PRKD1: variants seen among roughly 807,000 people sequenced by gnomAD.
PRKD1 encodes protein kinase D1.
Under a neutral mutation model 95.9 loss-of-function variants are expected in PRKD1, and 63 were observed. That is an observed-to-expected ratio of 0.66 (90% CI 0.54 to 0.81). PRKD1 has a LOEUF of 0.81. PRKD1 is among the 30% of genes least tolerant of loss of function. PRKD1 has a pLI of 0.00. For missense variants in PRKD1, 1,048 were observed against 1,165.3 expected (o/e 0.90, Z 1.47); for synonymous variants, 425 against 423.1 (o/e 1.00, Z -0.05).
intron 1 of PRKD1, among the ~76,000 whole-genome samples, chr14:29,893,692 G>A (rs560231158): frequency 5.3e-5 from 8 of 152,136 alleles, no homozygotes; most frequent in African/African-American, 1.4e-4. Flanking sequence ...CCATAATATC[G>A]CTAGCCTTAT....
At chr14:29,850,929 C>A (rs1384914685) in intron 1 of PRKD1, among the ~76,000 whole-genome samples, 2 of 151,038 alleles carry the variant, frequency 1.3e-5, no homozygotes, top group African/African-American at 4.9e-5. Flanking sequence ...GAATAGAGGA[C>A]CCAGAAATAA....
At chr14:29,777,910 C>T in intron 1 of PRKD1, among the ~76,000 whole-genome samples, 2 of 152,154 alleles carry the variant, frequency 1.3e-5, no homozygotes, top group East Asian at 1.9e-4. Context: ...CACTCCTCAG[C>T]AAATGTAAAA....
chr14:29,767,072 T>C (rs1370323583), intron 1 of PRKD1, among the ~76,000 whole-genome samples: 2 of 152,158 alleles, frequency 1.3e-5, no homozygotes, highest in East Asian at 3.9e-4. Flanking sequence ...ATCTTACTAC[T>C]TCTAATTGCA....
At chr14:29,600,959 A>AAC (rs1185785089) in intron 13 of PRKD1, among the ~76,000 whole-genome samples, 4 of 152,174 alleles carry the variant, frequency 2.6e-5, no homozygotes, top group African/African-American at 9.7e-5. Context: ...CCCAATGAGC[A>AAC]AGAGAAGAAA....
rs373983395 is a variant in PRKD1, at chr14:29,653,204, C to T, written c.696+10495G>A. 1.1e-4 allele frequency among the ~76,000 whole-genome samples: 17 copies of T among 152,060 alleles called. No individual in the cohort carries two copies. In the East Asian group the frequency reaches 1.2e-3, roughly 10 times the overall value. On this transcript the variant is annotated intron_variant, in intron 4 of 17. Transcript: ENST00000331968. The stretch of plus-strand genomic sequence containing the variant: ...ATAAAAAGTTAAACTGAATATTGTC[C>T]GGATTGCATAAAATTAAAGGATATA...
chr14:29,852,864 G>A (rs544651903), intron 1 of PRKD1, among the ~76,000 whole-genome samples: 1 of 152,166 alleles, frequency 6.6e-6, no homozygotes, highest in South Asian at 2.1e-4. Flanking sequence ...ACAGCAAAAT[G>A]ACAAAGTAAA....
chr14:29,626,522 T>G lies in PRKD1; in HGVS notation c.1760A>C (p.Glu587Ala). ...TCCAAACTGTCCAGAACCCAGTACT[T>G]CATCAGGAAAAATCTGATATACTGT... is the stretch of plus-strand genomic sequence containing the variant. ...ISTVYQIFPD[E>A]VLGSGQFGIV... The change falls in exon 12 of 18, where the codon GAA becomes GCA. Residue 587 changes from glutamate (E) to alanine (A), a missense_variant. Glu to Ala is a moderately radical substitution (Grantham distance 107). Transcript: ENST00000331968. 1 of 1,612,506 alleles carries G rather than the reference T, an allele frequency of 6.2e-7. No homozygotes were observed. The highest frequency in any genetic ancestry group is 2.2e-5 in the East Asian group (1 of 44,676).
intron 2 of PRKD1, among the ~76,000 whole-genome samples, chr14:29,696,804 CT>C (rs1190491355): frequency 1.3e-5 from 2 of 151,846 alleles, no homozygotes; most frequent in East Asian, 3.9e-4. Flanking sequence ...CTAAATATGT[CT>C]AGATAGTGAG....
chr14:29,815,792 T>C (rs569368615), intron 1 of PRKD1, among the ~76,000 whole-genome samples: 2 of 152,336 alleles, frequency 1.3e-5, no homozygotes, highest in South Asian at 4.1e-4. Context: ...GAAATTATAA[T>C]GGCATTTATG....
intron 8 of PRKD1, among the ~76,000 whole-genome samples, chr14:29,633,852 A>C (rs1441757178): frequency 2.0e-5 from 3 of 152,212 alleles, no homozygotes; most frequent in Non-Finnish European, 4.4e-5. Flanking sequence ...GTAAGAGATG[A>C]GAAAAGCAAT....
chr14:29,733,029 T>C (rs1319782884), intron 1 of PRKD1, among the ~76,000 whole-genome samples: 1 of 151,368 alleles, frequency 6.6e-6, no homozygotes, highest in Non-Finnish European at 1.5e-5. Context: ...TAGGGGAGGT[T>C]CAGTTTGGAT....
chr14:29,765,290 A>G (rs1314265352), intron 1 of PRKD1, among the ~76,000 whole-genome samples: 2 of 152,220 alleles, frequency 1.3e-5, no homozygotes, highest in Non-Finnish European at 2.9e-5. Flanking sequence ...AACACATGCG[A>G]AAGTGCTTCA....
intron 1 of PRKD1, among the ~76,000 whole-genome samples, chr14:29,889,859 ATG>A (rs1185612684): frequency 6.6e-6 from 1 of 152,260 alleles, no homozygotes. Flanking sequence ...CACGTTGTGC[ATG>A]TGTACCCTAG....
intron 1 of PRKD1, among the ~76,000 whole-genome samples, chr14:29,832,291 C>T (rs949714231): frequency 1.3e-5 from 2 of 152,112 alleles, no homozygotes; most frequent in African/African-American, 4.8e-5. Flanking sequence ...TTGCTCTCAT[C>T]CTTATTTTAC....
intron 1 of PRKD1, among the ~76,000 whole-genome samples, chr14:29,878,341 CAA>C (rs58074850): frequency 1.2e-4 from 6 of 49,802 alleles, no homozygotes; most frequent in Non-Finnish European, 2.9e-4. Flanking sequence ...GTTCTAATGA[CAA>C]AAAAAAAAAA....
chr14:29,862,583 G>T (rs565477712), intron 1 of PRKD1, among the ~76,000 whole-genome samples: 25 of 152,276 alleles, frequency 1.6e-4, no homozygotes, highest in Non-Finnish European at 2.8e-4. Flanking sequence ...TAGGTGAGAT[G>T]ATATCTCACT....
At chr14:29,812,307 C>T (rs1890522131) in intron 1 of PRKD1, among the ~76,000 whole-genome samples, 2 of 152,108 alleles carry the variant, frequency 1.3e-5, no homozygotes, top group East Asian at 1.9e-4. Flanking sequence ...ATTACCTATA[C>T]CTAGATATAA....
At chr14:29,805,268 T>C (rs771267509) in intron 1 of PRKD1, among the ~76,000 whole-genome samples, 1 of 152,154 alleles carries the variant, frequency 6.6e-6, no homozygotes, top group Admixed American at 6.5e-5. Flanking sequence ...ATCACACCCA[T>C]TGGCTGAGGG....
chr14:29,676,177 G>GGTTTTTTTT (rs1555334424), intron 2 of PRKD1, among the ~76,000 whole-genome samples: 5 of 104,756 alleles, frequency 4.8e-5, no homozygotes, highest in African/African-American at 1.7e-4. Flanking sequence ...AGTTCATTAC[G>GGTTTTTTTT]TTTTTGTTTT....
Sources: gnomAD v4.1 joint callset for allele counts (sites outside exome capture counted in the v4.1 genomes callset) on GRCh38, gnomAD v4.1.1 for gene constraint, MANE v1.5 for transcripts, NCBI Gene and HGNC (gene_info 2026-07-23, HGNC 2026-07-21) for gene names.